The following TTLL3 variants were observed in gnomAD, a reference collection of about 807,000 sequenced individuals.
The protein encoded by TTLL3 is tubulin tyrosine ligase like 3, also known as tubulin monoglycylase TTLL3.
Under a neutral mutation model 75.2 loss-of-function variants are expected in TTLL3, and 63 were observed. That is an observed-to-expected ratio of 0.84 (90% CI 0.68 to 1.03). The LOEUF (loss-of-function observed/expected upper bound fraction) is 1.03, where lower values mean the gene tolerates loss of function less well. Ranked by LOEUF, TTLL3 falls within the 50% of genes least tolerant of loss-of-function variation. TTLL3 has a pLI of 0.00. For missense variants in TTLL3, 997 were observed against 1,069.9 expected (o/e 0.93, Z 0.95); for synonymous variants, 393 against 418.5 (o/e 0.94, Z 0.74).
chr3:9,819,030 TC>T, intron 7 of TTLL3, 110 bp downstream of exon 7: 1 of 1,395,052 alleles, frequency 7.2e-7, no homozygotes, highest in Non-Finnish European at 1.0e-6. Flanking sequence ...TACTGGTTCA[TC>T]CACACATCTG....
chr3:9,812,421 A>G (rs974169477), intron 2 of TTLL3, among the ~76,000 whole-genome samples: 1 of 152,200 alleles, frequency 6.6e-6, no homozygotes, highest in Non-Finnish European at 1.5e-5. Context: ...AGGCTGAGGC[A>G]GGAGAATCGC....
At chr3:9,818,603 C>A (rs2080114420) in intron 6 of TTLL3, 3 of 1,318,538 alleles carry the variant, frequency 2.3e-6, no homozygotes, top group Admixed American at 6.1e-5. Flanking sequence ...CTCCTGACCT[C>A]ATGATCCATC....
At chr3:9,812,083 A>G (rs983231411) in intron 2 of TTLL3, among the ~76,000 whole-genome samples, 3 of 152,236 alleles carry the variant, frequency 2.0e-5, no homozygotes, top group East Asian at 1.9e-4. Flanking sequence ...ATAAAAATGC[A>G]TAGTATTGGC....
rs2079298927 is a variant in TTLL3 at position 9,810,984 on chromosome 3, G to C, written c.48+275G>C. The stretch of plus-strand genomic sequence containing the variant: ...AAACCCAGCAGTGCCTTTCGGTCTT[G>C]ATCTCGGTTGGGCACCCTGTATCTT... On this transcript the variant is annotated intron_variant, in intron 2 of 13. Transcript: ENST00000685419. The surrounding 1 kb of genome is among the most constrained non-coding windows in gnomAD (Gnocchi z 4.4). 6.6e-6 allele frequency among the ~76,000 whole-genome samples: 1 copy of C among 152,068 alleles called. No homozygotes were observed. The highest frequency in any genetic ancestry group is 1.5e-5 in the Non-Finnish European group (1 of 68,006).
rs139730765 is a variant in TTLL3, at chr3:9,821,192, C to T, written c.854+451C>T. 3.2e-3 allele frequency among the ~76,000 whole-genome samples: 482 copies of T among 152,226 alleles called. 2 individuals carry two copies. Among genetic ancestry groups the T allele is most frequent in the African/African-American group, 0.011 (452 of 41,524 alleles). ...GTACTTAAGTGAGCCCAGTGCCCTG[C>T]CTCCCACCAAGCATCCTGAGGGGCA... On this transcript the variant is annotated intron_variant, in intron 8 of 13. Transcript: ENST00000685419.
In TTLL3 at chr3:9,834,194, T is replaced by C. The variant is rs187036140; in HGVS notation, c.1826-487T>C. ...TCACTCTGCCTCACAGAGTGACTTA[T>C]TTCAAAGATGACCTGATTTCAAAGA... On this transcript the variant is annotated intron_variant, in intron 12 of 13. Transcript: ENST00000685419. 6.3e-5 allele frequency: 22 copies of C among 349,560 alleles called. No homozygotes were observed. The East Asian group carries it at 1.5e-3, about 24-fold the overall frequency. 21.7% of individuals were successfully genotyped at this position (349,560 alleles called of 1,614,324 possible).
Position 9,827,084 on chromosome 3 carries a change from A to G in TTLL3, c.1091A>G (p.Gln364Arg). Reference protein sequence around the residue: ...VVMKDGKWVVQKYIERPLLIF... With the variant: ...VVMKDGKWVVRKYIERPLLIF... ...ATGAAGGACGGCAAGTGGGTGGTGCAGAAGTATATTGAGCGGCCCCTCCTC... is the reference window on the plus strand; with the variant it reads ...ATGAAGGACGGCAAGTGGGTGGTGCGGAAGTATATTGAGCGGCCCCTCCTC... Residue 364 changes from glutamine (Q) to arginine (R), a missense_variant, in exon 10 of 14, where the codon CAG (glutamine) becomes CGG (arginine). Physicochemically the swap from Gln to Arg is conservative, Grantham distance 43 (BLOSUM62 1). Transcript: ENST00000685419. 6.2e-7 allele frequency: 1 copy of G among 1,614,222 alleles called. No homozygotes were observed. The highest frequency in any genetic ancestry group is 2.2e-5 in the East Asian group (1 of 44,890).
chr3:9,826,725 CAAAAAAAAAAA>C (rs36060940), intron 9 of TTLL3, among the ~76,000 whole-genome samples: 5 of 75,240 alleles, frequency 6.6e-5, no homozygotes, highest in African/African-American at 1.0e-4. Flanking sequence ...AGGGCTGTCT[CAAAAAAAAAAA>C]AAAAAAAAAA....
chr3:9,827,326 G>A (rs769548447), intron 10 of TTLL3, 86 bp downstream of exon 10: 69 of 1,556,408 alleles, frequency 4.4e-5, no homozygotes, highest in African/African-American at 2.6e-4. Flanking sequence ...CAGGGGACTC[G>A]CGCAGCAGCG....
chr3:9,831,621 T>C (rs2081538593), intron 11 of TTLL3, among the ~76,000 whole-genome samples: 1 of 152,208 alleles, frequency 6.6e-6, no homozygotes, highest in Admixed American at 6.5e-5. Flanking sequence ...CATCCTTTCA[T>C]CTAATTGTTT....
chr3:9,810,978 G>C lies in TTLL3; in HGVS notation c.48+269G>C, dbSNP rs1320356701. 6.6e-6 allele frequency among the ~76,000 whole-genome samples: 1 copy of C among 152,076 alleles called. No homozygotes were observed. Among genetic ancestry groups the C allele is most frequent in the African/African-American group, 2.4e-5 (1 of 41,400 alleles). ...GGAGCCAAACCCAGCAGTGCCTTTC[G>C]GTCTTGATCTCGGTTGGGCACCCTG... On this transcript the variant is annotated intron_variant, in intron 2 of 13. Coordinates refer to ENST00000685419, the MANE Select transcript of TTLL3 (RefSeq NM_001387446.1). This position sits in a 1 kb window ranked among gnomAD's most constrained non-coding sequence, Gnocchi z 4.4.
chr3:9,820,400 G>A (rs2080298962), intron 7 of TTLL3, 146 bp from the exon 8 acceptor site: 4 of 1,512,686 alleles, frequency 2.6e-6, no homozygotes, highest in Admixed American at 2.3e-5. Flanking sequence ...CCTCAGCTAA[G>A]TGACACATCC....
intron 4 of TTLL3, among the ~76,000 whole-genome samples, chr3:9,815,362 C>T (rs1056217715): frequency 6.6e-6 from 1 of 152,188 alleles, no homozygotes. Context: ...GTTTCCTCAT[C>T]TGTAAAACAG....
intron 8 of TTLL3, chr3:9,825,560 G>T: frequency 1.6e-6 from 1 of 608,872 alleles, no homozygotes; most frequent in Non-Finnish European, 2.9e-6. Context: ...GTAGGGGGTG[G>T]TTTGCAGTTA....
chr3:9,821,289 G>C lies in TTLL3; in HGVS notation c.854+548G>C, dbSNP rs146596139. On this transcript the variant is annotated intron_variant, in intron 8 of 13. Coordinates refer to ENST00000685419, the MANE Select transcript of TTLL3 (RefSeq NM_001387446.1). ...GGAGGATCAAGGTGAGCCTGGTGCT[G>C]CTTTAGGGAGATTCCATTCGGGAGA... Among the ~76,000 whole-genome samples the C allele has an allele frequency of 8.0e-3, 1,215 of 152,326 alleles. 16 individuals carry two copies. Among genetic ancestry groups the C allele is most frequent in the Non-Finnish European group, 0.011 (721 of 68,026 alleles).
chr3:9,822,887 G>A (rs1422592085), intron 8 of TTLL3, among the ~76,000 whole-genome samples: 1 of 148,330 alleles, frequency 6.7e-6, no homozygotes, highest in Non-Finnish European at 1.5e-5. Context: ...GGGATTAACA[G>A]AGTGAGCCAC....
rs1559231022 is a variant in TTLL3 at position 9,835,433 on chromosome 3, G to C, written c.2392G>C (p.Gly798Arg). ...GGGGCTTGACTCCATTGCTGTTGGA[G>C]GGTCAAGAGTGGATGGGGCGAGGCC... is the stretch of plus-strand genomic sequence containing the variant. Reference protein sequence around the residue: ...YLGLDSIAVGGSRVDGARPCT... With the variant: ...YLGLDSIAVGRSRVDGARPCT... Residue 798 changes from glycine (G) to arginine (R), a missense_variant, in exon 14 of 14, where the codon GGG (glycine) becomes CGG (arginine). Transcript: ENST00000685419. The C allele has an allele frequency of 6.2e-7, 1 of 1,612,606 alleles. No homozygotes were observed. The highest frequency in any genetic ancestry group is 8.5e-7 in the Non-Finnish European group (1 of 1,179,920).
At chr3:9,809,918 C>A (rs2079181657), upstream of TTLL3, 1 of 1,045,636 alleles carries the variant, frequency 9.6e-7, no homozygotes, top group Non-Finnish European at 1.2e-6. Flanking sequence ...AAGGCTCGAG[C>A]CTAGGCAGGA....
intron 4 of TTLL3, among the ~76,000 whole-genome samples, chr3:9,813,979 G>A (rs1205317090): frequency 1.3e-5 from 2 of 151,992 alleles, no homozygotes; most frequent in African/African-American, 2.4e-5. Context: ...CTTGGTAAGT[G>A]AAGGCAGGAA....
Sources: gnomAD v4.1 joint callset for allele counts (sites outside exome capture counted in the v4.1 genomes callset) on GRCh38, gnomAD v4.1.1 for gene constraint, Gnocchi (gnomAD v3.1) non-coding constraint, MANE v1.5 for transcripts, NCBI Gene and HGNC (gene_info 2026-07-23, HGNC 2026-07-21) for gene names.